The following SLC39A11 variants were observed in gnomAD, a reference collection of about 807,000 sequenced individuals.
SLC39A11 encodes solute carrier family 39 member 11.
Under a neutral mutation model 36.1 loss-of-function variants are expected in SLC39A11, and 33 were observed. That is an observed-to-expected ratio of 0.91 (90% CI 0.69 to 1.22). The LOEUF is 1.22. Among genes scored for constraint, SLC39A11 ranks in the 50% most tolerant of loss-of-function variants. The probability of loss-of-function intolerance (pLI) is 0.00; values close to 1 mark genes in which losing one functional copy is unlikely to be tolerated. For synonymous variants in SLC39A11, 166 were observed against 170.3 expected (o/e 0.97, Z 0.20); for missense variants, 432 against 430.3 (o/e 1.00, Z -0.03).
intron 4 of SLC39A11, among the ~76,000 whole-genome samples, chr17:72,988,837 T>C (rs2088956358): frequency 1.3e-5 from 2 of 152,108 alleles, no homozygotes. Flanking sequence ...GCCTACTGAG[T>C]AGCTGGGATT....
intron 4 of SLC39A11, among the ~76,000 whole-genome samples, chr17:72,949,704 G>A (rs2085723838): frequency 6.6e-6 from 1 of 151,828 alleles, no homozygotes; most frequent in Non-Finnish European, 1.5e-5. Flanking sequence ...AATCACTGTG[G>A]CAGTTAGGAT....
At chr17:72,862,518 C>G (rs2080091800) in intron 5 of SLC39A11, among the ~76,000 whole-genome samples, 1 of 152,154 alleles carries the variant, frequency 6.6e-6, no homozygotes, top group Admixed American at 6.5e-5. Context: ...CATCCTGTTC[C>G]TACTTAGACA....
intron 4 of SLC39A11, among the ~76,000 whole-genome samples, chr17:72,989,486 T>G (rs1464600654): frequency 6.6e-6 from 1 of 152,260 alleles, no homozygotes; most frequent in Non-Finnish European, 1.5e-5. Flanking sequence ...TCCCAGGATA[T>G]GTCTTAAAGA....
chr17:72,692,496 A>G (rs1340661831), intron 7 of SLC39A11, among the ~76,000 whole-genome samples: 2 of 152,188 alleles, frequency 1.3e-5, no homozygotes, highest in South Asian at 2.1e-4. Context: ...CACTTCTTAC[A>G]TGGTGGCAGC....
intron 7 of SLC39A11, among the ~76,000 whole-genome samples, chr17:72,723,226 T>C (rs1387203538): frequency 6.6e-6 from 1 of 152,046 alleles, no homozygotes; most frequent in East Asian, 1.9e-4. Context: ...CCCAGATGCT[T>C]CATAGAGAGA....
At chr17:72,809,931 G>C (rs945341645) in intron 6 of SLC39A11, among the ~76,000 whole-genome samples, 2 of 151,970 alleles carry the variant, frequency 1.3e-5, no homozygotes, top group African/African-American at 4.8e-5. Flanking sequence ...CTAGCCAGGC[G>C]TGGGCACCTA....
In SLC39A11 at chr17:72,684,434, C is replaced by G. The variant is rs141723317; in HGVS notation, c.672-35166G>C. On this transcript the variant is annotated intron_variant, in intron 7 of 9. Coordinates refer to ENST00000255559, the MANE Select transcript of SLC39A11 (RefSeq NM_139177.4). The stretch of plus-strand genomic sequence containing the variant: ...AGGACAGAGGACCTTTCTCTCCGAC[C>G]AGGGAAACTGACACAGCCACTGTCC... 3.7e-3 allele frequency among the ~76,000 whole-genome samples: 564 copies of G among 152,348 alleles called. 4 individuals are homozygous for G. Among genetic ancestry groups the G allele is most frequent in the African/African-American group, 0.013 (546 of 41,592 alleles).
intron 3 of SLC39A11, among the ~76,000 whole-genome samples, chr17:73,066,305 G>C (rs78285724): frequency 6.6e-6 from 1 of 152,054 alleles, no homozygotes; most frequent in Admixed American, 6.5e-5. Context: ...AAATGACCGC[G>C]GCCTCATGAG....
intron 6 of SLC39A11, among the ~76,000 whole-genome samples, chr17:72,818,252 T>A (rs2077648503): frequency 6.6e-6 from 1 of 152,160 alleles, no homozygotes; most frequent in African/African-American, 2.4e-5. Context: ...ACCCGAAAGG[T>A]CAAGCCACTG....
chr17:72,782,913 A>G (rs1368626608), intron 6 of SLC39A11, among the ~76,000 whole-genome samples: 4 of 146,902 alleles, frequency 2.7e-5, no homozygotes, highest in African/African-American at 1.0e-4. Flanking sequence ...GAGGCAAGAG[A>G]CTCACTTGAA....
chr17:72,668,916 C>T (rs767769549), intron 7 of SLC39A11, among the ~76,000 whole-genome samples: 1 of 152,166 alleles, frequency 6.6e-6, no homozygotes, highest in African/African-American at 2.4e-5. Flanking sequence ...AGGCAGGGTA[C>T]CTGTCTTCCA....
chr17:72,674,655 C>T (rs1471320883), intron 7 of SLC39A11, among the ~76,000 whole-genome samples: 1 of 152,098 alleles, frequency 6.6e-6, no homozygotes, highest in Non-Finnish European at 1.5e-5. Flanking sequence ...ATTTGCATGC[C>T]CACCAGCAAG....
chr17:72,846,341 T>C (rs1412767244), intron 6 of SLC39A11, among the ~76,000 whole-genome samples: 1 of 152,090 alleles, frequency 6.6e-6, no homozygotes, highest in Admixed American at 6.6e-5. Context: ...CAATCCTTAT[T>C]TGAAAAAATA....
rs564953009 is a variant in SLC39A11, at chr17:72,890,290, A to C, written c.431-40486T>G. ...AAACAAACAACAACAACAACAAAAA[A>C]AAAAAAAACCACCAGAGGCAGAGGA... On this transcript the variant is annotated intron_variant, in intron 5 of 9. Coordinates refer to ENST00000255559, the MANE Select transcript of SLC39A11 (RefSeq NM_139177.4). Among the ~76,000 whole-genome samples, 433 of 151,882 alleles carry C rather than the reference A, an allele frequency of 2.9e-3. 3 individuals carry two copies. Among genetic ancestry groups the C allele is most frequent in the African/African-American group, 0.01 (416 of 41,338 alleles).
At chr17:72,905,432 C>A (rs1197139149) in intron 5 of SLC39A11, among the ~76,000 whole-genome samples, 2 of 151,828 alleles carry the variant, frequency 1.3e-5, no homozygotes, top group African/African-American at 4.8e-5. Context: ...CCCATCTCTA[C>A]TAAATACACA....
chr17:72,782,021 G>A (rs978541675), intron 6 of SLC39A11, among the ~76,000 whole-genome samples: 6 of 152,024 alleles, frequency 3.9e-5, no homozygotes, highest in African/African-American at 1.5e-4. Flanking sequence ...CCCTGTACCT[G>A]TGAATATGAC....
chr17:72,924,023 T>C lies in SLC39A11; in HGVS notation c.430+23729A>G, dbSNP rs2083869469. ...TTACCCAGGCACAGTGGCGTGTGCC[T>C]GTAATCCCAGGTACTAGGGAAGCTG... On this transcript the variant is annotated intron_variant, in intron 5 of 9. Coordinates refer to ENST00000255559, the MANE Select transcript of SLC39A11 (RefSeq NM_139177.4). Among the ~76,000 whole-genome samples the C allele has an allele frequency of 2.6e-5, 4 of 151,600 alleles. 1 individual carries two copies. In the South Asian group the frequency reaches 8.4e-4, roughly 32 times the overall value.
intron 6 of SLC39A11, among the ~76,000 whole-genome samples, chr17:72,746,723 G>A (rs922530019): frequency 1.3e-5 from 2 of 152,004 alleles, no homozygotes; most frequent in African/African-American, 2.4e-5. Flanking sequence ...GGGTGACAGA[G>A]CAAGACTCCG....
intron 4 of SLC39A11, among the ~76,000 whole-genome samples, chr17:72,992,266 A>G (rs1212020457): frequency 6.6e-6 from 1 of 152,214 alleles, no homozygotes; most frequent in East Asian, 1.9e-4. Context: ...AGGCAGGAGA[A>G]TTGCTTGAAC....
Sources: allele counts gnomAD v4.1 joint callset (sites outside exome capture counted in the v4.1 genomes callset), GRCh38; gene constraint gnomAD v4.1.1; transcripts MANE v1.5; gene names NCBI Gene and HGNC (gene_info 2026-07-23, HGNC 2026-07-21).